The following DSCAM variants were observed in gnomAD, a reference collection of about 807,000 sequenced individuals.
DSCAM encodes cell adhesion molecule DSCAM.
Under a neutral mutation model 217.7 loss-of-function variants are expected in DSCAM, and 47 were observed. That is an observed-to-expected ratio of 0.22 (90% confidence interval 0.17 to 0.28). DSCAM has a LOEUF of 0.28. DSCAM is among the 10% of genes least tolerant of loss of function. DSCAM has a pLI of 1.00. For missense variants in DSCAM, 2,080 were observed against 2,618.3 expected (o/e 0.79, Z 4.49); for synonymous variants, 1,056 against 1,015.3 (o/e 1.04, Z -0.76).
chr21:40,464,667 C>G (rs907968707), intron 3 of DSCAM, among the ~76,000 whole-genome samples: 2 of 152,146 alleles, frequency 1.3e-5, no homozygotes, highest in African/African-American at 2.4e-5. Flanking sequence ...AAGAGCCACC[C>G]TGTTCAGTCC....
At chr21:40,573,231 A>G (rs920624305) in intron 3 of DSCAM, among the ~76,000 whole-genome samples, 2 of 152,042 alleles carry the variant, frequency 1.3e-5, no homozygotes, top group Non-Finnish European at 1.5e-5. Flanking sequence ...CCAGCTACTC[A>G]GGAGGCTGAG....
intron 10 of DSCAM, among the ~76,000 whole-genome samples, chr21:40,289,748 C>T (rs572040489): frequency 6.6e-6 from 1 of 152,044 alleles, no homozygotes; most frequent in Non-Finnish European, 1.5e-5. Context: ...TTTGGTGCTC[C>T]CCAAGGTTCA....
chr21:40,397,921 C>T (rs1170537320), intron 3 of DSCAM, among the ~76,000 whole-genome samples: 1 of 152,108 alleles, frequency 6.6e-6, no homozygotes, highest in African/African-American at 2.4e-5. Flanking sequence ...ACCATTATTA[C>T]CACCACCATT....
rs960465510 is a variant in DSCAM at position 40,508,372 on chromosome 21, A to T, written c.509-139127T>A. Among the ~76,000 whole-genome samples the T allele has an allele frequency of 2.0e-5, 3 of 152,300 alleles. No individual in the cohort carries two copies. The South Asian group carries it at 6.2e-4, about 32-fold the overall frequency. ...AATATGCTATTTATAAATCAAAAAG[A>T]GAAGGGAAAAGATCTCAAAAGTCTG... On this transcript the variant is annotated intron_variant, in intron 3 of 32. Transcript: ENST00000400454.
chr21:40,576,920 C>T (rs1485406446), intron 3 of DSCAM, among the ~76,000 whole-genome samples: 1 of 151,438 alleles, frequency 6.6e-6, no homozygotes, highest in East Asian at 1.9e-4. Flanking sequence ...AGAGAAAACG[C>T]CACACTTTGA....
At chr21:40,736,124 G>A (rs938590161) in intron 1 of DSCAM, among the ~76,000 whole-genome samples, 14 of 152,200 alleles carry the variant, frequency 9.2e-5, no homozygotes, top group Admixed American at 3.9e-4. Context: ...AATAAAGGAT[G>A]TAACTCAGAA....
chr21:40,818,417 G>GCAC (rs971079200), intron 1 of DSCAM, among the ~76,000 whole-genome samples: 93 of 150,874 alleles, frequency 6.2e-4, no homozygotes, highest in African/African-American at 2.0e-3. Flanking sequence ...GTGGTGGCGG[G>GCAC]CGCCTGTAGT....
At chr21:40,339,455 A>C in intron 6 of DSCAM, 40 bp from the exon 7 acceptor site, 1 of 1,526,452 alleles carries the variant, frequency 6.6e-7, no homozygotes, top group South Asian at 1.2e-5. Flanking sequence ...GGCACATACA[A>C]ATAATTAAAC....
In DSCAM at chr21:40,705,824, TA is replaced by T. The variant is rs150061393; in HGVS notation, c.361+2629del. ...GACACTGGTTTTTGGTTGTTTCAGA[TA>T]AAAGGGTAAATGTGGCTCCCACACC... On this transcript the variant is annotated intron_variant, in intron 2 of 32. Transcript: ENST00000400454. 6.8e-4 allele frequency among the ~76,000 whole-genome samples: 103 copies of T among 152,166 alleles called. No homozygotes were observed. In the East Asian group the frequency reaches 0.017, roughly 26 times the overall value.
intron 1 of DSCAM, among the ~76,000 whole-genome samples, chr21:40,783,045 T>C (rs2091562547): frequency 6.6e-6 from 1 of 152,240 alleles, no homozygotes; most frequent in Admixed American, 6.5e-5. Context: ...TATTTATTGG[T>C]ATTTTTCTTC....
chr21:40,295,169 G>T (rs894042170), intron 10 of DSCAM, among the ~76,000 whole-genome samples: 3 of 151,680 alleles, frequency 2.0e-5, no homozygotes, highest in African/African-American at 7.3e-5. Context: ...TAGATACTAG[G>T]TCTTAGGTTA....
chr21:40,613,169 A>C (rs1002469146), intron 3 of DSCAM, among the ~76,000 whole-genome samples: 1 of 152,242 alleles, frequency 6.6e-6, no homozygotes, highest in Non-Finnish European at 1.5e-5. Flanking sequence ...AAATTAAGTT[A>C]GATAAAGATT....
At chr21:40,046,118 T>G (rs2088837540) in intron 30 of DSCAM, among the ~76,000 whole-genome samples, 1 of 152,244 alleles carries the variant, frequency 6.6e-6, no homozygotes, top group African/African-American at 2.4e-5. Flanking sequence ...TAGTGCTGTG[T>G]CTACATGACC....
chr21:40,609,477 C>T (rs570204635), intron 3 of DSCAM, among the ~76,000 whole-genome samples: 1 of 152,288 alleles, frequency 6.6e-6, no homozygotes, highest in African/African-American at 2.4e-5. Context: ...CTTTGCCTGG[C>T]TTTCTGTGCA....
chr21:40,052,255 T>G, intron 29 of DSCAM, 148 bp from the exon 30 acceptor site: 1 of 911,218 alleles, frequency 1.1e-6, no homozygotes, highest in Non-Finnish European at 1.6e-6. Flanking sequence ...GATTGAAAAT[T>G]CAAGCACTGA....
At chr21:40,361,044 A>G (rs2074757737) in intron 4 of DSCAM, among the ~76,000 whole-genome samples, 1 of 152,140 alleles carries the variant, frequency 6.6e-6, no homozygotes, top group Non-Finnish European at 1.5e-5. Context: ...ATATTTGGTC[A>G]TATATCAAAT....
intron 3 of DSCAM, among the ~76,000 whole-genome samples, chr21:40,469,219 C>A (rs974326697): frequency 2.0e-5 from 3 of 152,290 alleles, no homozygotes; most frequent in African/African-American, 7.2e-5. Context: ...AAAATTACTT[C>A]CAAACTTATA....
chr21:40,460,207 G>A (rs1392086368), intron 3 of DSCAM, among the ~76,000 whole-genome samples: 1 of 152,088 alleles, frequency 6.6e-6, no homozygotes, highest in African/African-American at 2.4e-5. Context: ...GTTGATAGGT[G>A]CAGCAAACCA....
intron 3 of DSCAM, among the ~76,000 whole-genome samples, chr21:40,455,220 C>T (rs887086532): frequency 1.3e-5 from 2 of 151,894 alleles, no homozygotes; most frequent in African/African-American, 4.8e-5. Context: ...AATGCTCCAC[C>T]AGAAAAAGTA....
Sources: allele counts gnomAD v4.1 joint callset (sites outside exome capture counted in the v4.1 genomes callset), GRCh38; gene constraint gnomAD v4.1.1; transcripts MANE v1.5; gene names NCBI Gene and HGNC (gene_info 2026-07-23, HGNC 2026-07-21).